MRPL14: variants seen among roughly 807,000 people sequenced by gnomAD.
The protein encoded by MRPL14 is mitochondrial ribosomal protein L14, also known as large ribosomal subunit protein uL14m.
In MRPL14, 8 loss-of-function variants were observed where a neutral mutation model predicts 10.9. The ratio of observed to expected loss-of-function variants is 0.74; its 90% confidence interval spans 0.43 to 1.33. MRPL14 has a LOEUF of 1.33. MRPL14 is among the 40% of genes most tolerant of loss of function. MRPL14 has a pLI of 0.01. For missense variants in MRPL14, 179 were observed against 194.5 expected (o/e 0.92, Z 0.47); for synonymous variants, 82 against 74.1 (o/e 1.11, Z -0.54).
intron 1 of MRPL14, among the ~76,000 whole-genome samples, chr6:44,117,536 C>T (rs1775964531): frequency 6.6e-6 from 1 of 152,198 alleles, no homozygotes; most frequent in Non-Finnish European, 1.5e-5. Flanking sequence ...AAAGCCTCTA[C>T]ACTGTAGTAT....
At chr6:44,121,353 G>C (rs1776386203) in intron 1 of MRPL14, among the ~76,000 whole-genome samples, 1 of 108,928 alleles carries the variant, frequency 9.2e-6, no homozygotes, top group African/African-American at 3.6e-5. Flanking sequence ...AAAAGAGCTG[G>C]GGTGGGGGGT....
At position 44,114,020 on chromosome 6, in the gene MRPL14, C is replaced by T; in HGVS notation, c.261G>A (p.Val87=). The T allele has an allele frequency of 6.2e-7, 1 of 1,614,208 alleles. No individual in the cohort carries two copies. The highest frequency in any genetic ancestry group is 8.5e-7 in the Non-Finnish European group (1 of 1,180,036). ...IKGQKKKALI[V]GHCMPGPRMT... ...TTCGGGGGCCAGGCATGCAGTGCCC[C>T]ACAATGAGCGCCTTTTTCTTCTGTC... The change falls in exon 3 of 3, where the codon GTG becomes GTA. Residue 87 remains valine, a synonymous_variant. Coordinates refer to ENST00000372014, the MANE Select transcript of MRPL14 (RefSeq NM_032111.4).
At chr6:44,119,740 C>T (rs1006826234) in intron 1 of MRPL14, among the ~76,000 whole-genome samples, 4 of 152,174 alleles carry the variant, frequency 2.6e-5, no homozygotes, top group African/African-American at 9.7e-5. Flanking sequence ...TTCTGAAAAG[C>T]AGAGTCCTTC....
chr6:44,125,019 TAAG>T (rs1776802194), intron 1 of MRPL14, among the ~76,000 whole-genome samples: 1 of 152,192 alleles, frequency 6.6e-6, no homozygotes, highest in Non-Finnish European at 1.5e-5. Flanking sequence ...GACTAGGAGC[TAAG>T]AAGAGTCTAA....
chr6:44,114,670 G>A (rs1392257907), intron 2 of MRPL14, among the ~76,000 whole-genome samples: 8 of 151,960 alleles, frequency 5.3e-5, no homozygotes, highest in East Asian at 1.9e-4. Context: ...GTGCGGTGGC[G>A]CCATCTCAGC....
At position 44,114,671 on chromosome 6, in the gene MRPL14, C is replaced by T. The variant is rs571127564; in HGVS notation, c.72-462G>A. On this transcript the variant is annotated intron_variant, in intron 2 of 2. Transcript: ENST00000372014. ...TCGCCCAGGCTAGAGTGCGGTGGCG[C>T]CATCTCAGCTCACTGCAAGCTCCAC... is the stretch of plus-strand genomic sequence containing the variant. 1.1e-4 allele frequency among the ~76,000 whole-genome samples: 16 copies of T among 152,278 alleles called. No individual in the cohort carries two copies. In the South Asian group the frequency reaches 3.1e-3, roughly 30 times the overall value.
chr6:44,117,273 G>A (rs1582717346), intron 1 of MRPL14, among the ~76,000 whole-genome samples: 3 of 152,132 alleles, frequency 2.0e-5, no homozygotes, highest in East Asian at 1.9e-4. Flanking sequence ...AGCTGAAAGT[G>A]GGCTTTGGGA....
intron 1 of MRPL14, 67 bp from the exon 2 acceptor site, chr6:44,116,696 G>T (rs2128194002): frequency 9.1e-7 from 1 of 1,095,238 alleles, no homozygotes; most frequent in East Asian, 2.4e-5. Context: ...AGTTTTCTTT[G>T]GGGACTTGTG....
At chr6:44,123,864 C>G (rs1222417791) in intron 1 of MRPL14, among the ~76,000 whole-genome samples, 1 of 151,742 alleles carries the variant, frequency 6.6e-6, no homozygotes, top group Non-Finnish European at 1.5e-5. Context: ...GAGCGAGACC[C>G]TGCCTCAAAA....
At chr6:44,122,637 A>C (rs1776561616) in intron 1 of MRPL14, among the ~76,000 whole-genome samples, 1 of 152,218 alleles carries the variant, frequency 6.6e-6, no homozygotes. Flanking sequence ...GATATGATAG[A>C]AAAAGGAGAA....
At chr6:44,117,840 G>GTTTTTTTTTTTT (rs56204643) in intron 1 of MRPL14, among the ~76,000 whole-genome samples, 3 of 75,364 alleles carry the variant, frequency 4.0e-5, no homozygotes, top group African/African-American at 5.3e-5. Context: ...AATTTTTTGT[G>GTTTTTTTTTTTT]TTTTTTTTTT....
rs773514073 is a variant in MRPL14, at chr6:44,114,031, C to T, written c.250G>A (p.Ala84Thr). The change falls in exon 3 of 3, where the codon GCG becomes ACG. Residue 84 changes from alanine to threonine, a missense_variant. Transcript: ENST00000372014. ...GGCATGCAGTGCCCCACAATGAGCG[C>T]CTTTTTCTTCTGTCCCTTGATGGCC... Reference protein sequence around the residue: ...LLAIKGQKKKALIVGHCMPGP... With the variant: ...LLAIKGQKKKTLIVGHCMPGP... 6.2e-7 allele frequency: 1 copy of T among 1,614,194 alleles called. No individual in the cohort carries two copies. The highest frequency in any genetic ancestry group is 8.5e-7 in the Non-Finnish European group (1 of 1,180,046).
In MRPL14 at chr6:44,120,115, A is replaced by G. The variant is rs543449332; in HGVS notation, c.-18-3486T>C. 2.6e-5 allele frequency among the ~76,000 whole-genome samples: 4 copies of G among 151,800 alleles called. No homozygotes were observed. In the South Asian group the frequency reaches 8.3e-4, roughly 32 times the overall value. On this transcript the variant is annotated intron_variant, in intron 1 of 2. Transcript: ENST00000372014. ...CTCACAAGCCATCTCCACAACCAAC[A>G]CTCATCTCTGCCCAGACAAATGTGA...
chr6:44,126,320 TACTAA>T (rs1477505213), intron 1 of MRPL14, among the ~76,000 whole-genome samples: 35 of 152,380 alleles, frequency 2.3e-4, no homozygotes, highest in Middle Eastern at 6.8e-3. Flanking sequence ...GGCCGTGATC[TACTAA>T]ACTGATTTCC....
At chr6:44,117,933 C>T (rs372027164) in intron 1 of MRPL14, among the ~76,000 whole-genome samples, 347 of 150,080 alleles carry the variant, frequency 2.3e-3, no homozygotes, top group African/African-American at 7.9e-3. Context: ...GCAATCCTCC[C>T]GCCTCAGCCC....
At chr6:44,124,459 T>C (rs1323401817) in intron 1 of MRPL14, among the ~76,000 whole-genome samples, 1 of 152,242 alleles carries the variant, frequency 6.6e-6, no homozygotes, top group East Asian at 1.9e-4. Flanking sequence ...ATCTGCAGGA[T>C]AGTTTGTTTA....
Position 44,116,586 on chromosome 6 carries a change from C to T in MRPL14, c.26G>A (p.Gly9Asp), listed in dbSNP as rs781425358. The T allele has an allele frequency of 3.1e-6, 5 of 1,614,066 alleles. No individual in the cohort carries two copies. The highest frequency in any genetic ancestry group is 4.2e-6 in the Non-Finnish European group (5 of 1,179,980). ...CACTCTGCTTACACAGGTGAAGGGGCCCCAGAGCCCAGTAAAGAAAGCCAT... is the reference window on the plus strand; with the variant it reads ...CACTCTGCTTACACAGGTGAAGGGGTCCCAGAGCCCAGTAAAGAAAGCCAT... MAFFTGLW[G>D]PFTCVSRVLS... is the part of the protein sequence containing the mutation. The change falls in exon 2 of 3, where the codon GGC becomes GAC. Residue 9 changes from glycine (G) to aspartate (D), a missense_variant. Physicochemically the swap from Gly to Asp is moderately conservative, Grantham distance 94. Transcript: ENST00000372014.
chr6:44,119,211 C>T (rs1392776837), intron 1 of MRPL14, among the ~76,000 whole-genome samples: 1 of 151,996 alleles, frequency 6.6e-6, no homozygotes, highest in Non-Finnish European at 1.5e-5. Flanking sequence ...ACTATTAAAT[C>T]ATTCTTGTTC....
At chr6:44,120,711 A>T (rs913406590) in intron 1 of MRPL14, among the ~76,000 whole-genome samples, 2 of 152,240 alleles carry the variant, frequency 1.3e-5, no homozygotes, top group African/African-American at 2.4e-5. Flanking sequence ...GACCCCAGCC[A>T]GTCCTGATAA....
Sources: allele counts gnomAD v4.1 joint callset (sites outside exome capture counted in the v4.1 genomes callset), GRCh38; gene constraint gnomAD v4.1.1; transcripts MANE v1.5; gene names NCBI Gene and HGNC (gene_info 2026-07-23, HGNC 2026-07-21).